Variants in HTR1E observed in about 807,000 individuals in gnomAD.
HTR1E encodes 5-hydroxytryptamine receptor 1E.
A neutral mutation model predicts 3.4 loss-of-function variants in HTR1E; 3 were observed. The ratio of observed to expected loss-of-function variants is 0.89; its 90% CI spans 0.41 to 2.31. The LOEUF (loss-of-function observed/expected upper bound fraction) is 2.31. Ranked by LOEUF, HTR1E falls within the 30% of genes most tolerant of loss-of-function variation. HTR1E has a pLI of 0.05. For synonymous variants in HTR1E, 170 were observed against 182.8 expected (o/e 0.93, Z 0.56); for missense variants, 392 against 467.0 (o/e 0.84, Z 1.48).
intron 1 of HTR1E, among the ~76,000 whole-genome samples, chr6:87,002,122 C>A (rs1421738178): frequency 6.6e-6 from 1 of 152,192 alleles, no homozygotes; most frequent in African/African-American, 2.4e-5. Flanking sequence ...GGAATTTATT[C>A]CTTCCGGTAG....
chr6:87,009,144 G>A (rs918710774), intron 1 of HTR1E, among the ~76,000 whole-genome samples: 1 of 150,470 alleles, frequency 6.6e-6, no homozygotes, highest in African/African-American at 2.5e-5. Context: ...CAATAGTGGA[G>A]GGAAGGTCAG....
chr6:86,958,652 T>C (rs890174639), intron 1 of HTR1E, among the ~76,000 whole-genome samples: 3 of 152,164 alleles, frequency 2.0e-5, no homozygotes, highest in African/African-American at 4.8e-5. Context: ...ATGAGACAAA[T>C]GCCCTTGTGC....
At chr6:86,948,062 T>G (rs1191592910) in intron 1 of HTR1E, among the ~76,000 whole-genome samples, 2 of 152,110 alleles carry the variant, frequency 1.3e-5, no homozygotes, top group Admixed American at 1.3e-4. Flanking sequence ...GGCCCCAGTG[T>G]GTGATGTTCC....
intron 1 of HTR1E, among the ~76,000 whole-genome samples, chr6:86,988,737 C>T (rs1170064073): frequency 6.6e-6 from 1 of 152,066 alleles, no homozygotes; most frequent in African/African-American, 2.4e-5. Flanking sequence ...AAGGAAGTCC[C>T]AAAACATGCA....
chr6:86,939,214 T>C (rs1768512181), intron 1 of HTR1E, among the ~76,000 whole-genome samples: 1 of 152,214 alleles, frequency 6.6e-6, no homozygotes, highest in Non-Finnish European at 1.5e-5. Context: ...TTTTCCTCCC[T>C]TCAGAGCTTT....
chr6:86,965,634 G>A (rs1388823969), intron 1 of HTR1E, among the ~76,000 whole-genome samples: 2 of 152,158 alleles, frequency 1.3e-5, no homozygotes, highest in Non-Finnish European at 2.9e-5. Context: ...AGCCAAACCA[G>A]TCCATCCAGG....
At chr6:87,009,955 C>CGGCT (rs1768182600) in intron 1 of HTR1E, among the ~76,000 whole-genome samples, 1 of 120,394 alleles carries the variant, frequency 8.3e-6, no homozygotes. Context: ...CCAGTAGGGG[C>CGGCT]GGCCGGGCAG....
chr6:87,013,240 G>A (rs906848363), intron 1 of HTR1E, among the ~76,000 whole-genome samples: 2 of 152,192 alleles, frequency 1.3e-5, no homozygotes, highest in Non-Finnish European at 2.9e-5. Flanking sequence ...TCTCCCTGGT[G>A]CTCTGACCTT....
intron 1 of HTR1E, among the ~76,000 whole-genome samples, chr6:86,987,011 G>A (rs959153657): frequency 6.6e-6 from 1 of 152,060 alleles, no homozygotes; most frequent in African/African-American, 2.4e-5. Flanking sequence ...TTTATACAAA[G>A]GGAAAGCAAA....
At position 87,015,769 on chromosome 6, in the gene HTR1E, C is replaced by T. The variant is rs1381760056; in HGVS notation, c.435C>T (p.Thr145=). 2 of 1,610,122 alleles carry T rather than the reference C, an allele frequency of 1.2e-6. No individual in the cohort carries two copies. Among genetic ancestry groups the T allele is most frequent in the East Asian group, 2.2e-5 (1 of 44,824 alleles). The change falls in exon 2 of 2, where the codon ACC becomes ACT. Residue 145 remains threonine (T), a synonymous_variant. Transcript: ENST00000305344. ...AGAGGGCCGCGCTGATGATCCTTAC[C>T]GTCTGGACCATCTCCATTTTCATCT... ...TAKRAALMIL[T]VWTISIFISM...
At chr6:86,965,697 T>TCAAGG (rs143122056) in intron 1 of HTR1E, among the ~76,000 whole-genome samples, 9,678 of 152,026 alleles carry the variant, frequency 0.064, 428 homozygotes, top group East Asian at 0.12. Flanking sequence ...AGTAAATAGC[T>TCAAGG]CAAGGAATGA....
intron 1 of HTR1E, among the ~76,000 whole-genome samples, chr6:86,956,034 C>A (rs1252069688): frequency 6.6e-6 from 1 of 152,090 alleles, no homozygotes; most frequent in East Asian, 1.9e-4. Flanking sequence ...CACAATGGAC[C>A]AGCATTAACA....
intron 1 of HTR1E, among the ~76,000 whole-genome samples, chr6:86,975,739 T>C (rs761180731): frequency 3.9e-5 from 6 of 152,138 alleles, no homozygotes; most frequent in Non-Finnish European, 7.4e-5. Flanking sequence ...TTAAGGTCCT[T>C]GGCCAAACCT....
intron 1 of HTR1E, among the ~76,000 whole-genome samples, chr6:86,950,424 G>T (rs188177952): frequency 1.3e-5 from 2 of 152,170 alleles, no homozygotes; most frequent in Non-Finnish European, 2.9e-5. Flanking sequence ...GGCCTTAGGG[G>T]AATGGGTGGG....
At position 87,010,296 on chromosome 6, in the gene HTR1E, G is replaced by A. The variant is rs1383780875; in HGVS notation, c.-185-4854G>A. Among the ~76,000 whole-genome samples the A allele has an allele frequency of 1.8e-3, 195 of 108,506 alleles. 1 individual carries two copies. In the Middle Eastern group the frequency reaches 0.023, roughly 13 times the overall value. The allele number at this position is 108,506 out of a possible 152,430, so 71.2% of individuals were successfully genotyped here. A position where few individuals can be genotyped will look rare whatever the true frequency, so the allele number is the denominator to read the frequency against. The stretch of plus-strand genomic sequence containing the variant: ...GTGCCCCTCACCTCCCGGACGGGGC[G>A]GCTGGCCGGGCGGGGGGGCTGACCC... On this transcript the variant is annotated intron_variant, in intron 1 of 1. Coordinates refer to ENST00000305344, the MANE Select transcript of HTR1E (RefSeq NM_000865.3).
At chr6:86,983,978 C>T (rs975563703) in intron 1 of HTR1E, among the ~76,000 whole-genome samples, 1 of 152,088 alleles carries the variant, frequency 6.6e-6, no homozygotes, top group African/African-American at 2.4e-5. Context: ...TTAACTAATA[C>T]TCTTTGTGAT....
chr6:86,942,024 C>T (rs10944288), intron 1 of HTR1E, among the ~76,000 whole-genome samples: 97,785 of 151,994 alleles, frequency 0.64, 31,571 homozygotes, highest in Admixed American at 0.71. Context: ...ATAAGAGAAC[C>T]CAGTAAGGTG....
intron 1 of HTR1E, among the ~76,000 whole-genome samples, chr6:86,958,209 C>T (rs917156465): frequency 5.9e-5 from 9 of 152,046 alleles, no homozygotes; most frequent in African/African-American, 2.2e-4. Flanking sequence ...CAGGTGCCCG[C>T]CACCATGCCC....
At chr6:86,943,349 G>A (rs1192518450) in intron 1 of HTR1E, among the ~76,000 whole-genome samples, 2 of 152,170 alleles carry the variant, frequency 1.3e-5, no homozygotes, top group Non-Finnish European at 2.9e-5. Flanking sequence ...AGCTTCCTCA[G>A]GGCTTGCTGA....
Sources: allele counts gnomAD v4.1 joint callset (sites outside exome capture counted in the v4.1 genomes callset), GRCh38; gene constraint gnomAD v4.1.1; transcripts MANE v1.5; gene names NCBI Gene and HGNC (gene_info 2026-07-23, HGNC 2026-07-21).